The following DNAH14 variants were observed in gnomAD, a reference collection of about 807,000 sequenced individuals.
DNAH14 encodes the protein dynein axonemal heavy chain 14.
Under a neutral mutation model 520.9 loss-of-function variants are expected in DNAH14, and 478 were observed. That is an observed-to-expected ratio of 0.92 (90% confidence interval 0.85 to 0.99). The LOEUF is 0.99. Among genes scored for constraint, DNAH14 ranks in the 50% least tolerant of loss-of-function variants. DNAH14 has a pLI of 0.00. For missense variants in DNAH14, 4,831 were observed against 5,234.5 expected (o/e 0.92, Z 2.38); for synonymous variants, 1,581 against 1,757.2 (o/e 0.90, Z 2.51).
intron 23 of DNAH14, among the ~76,000 whole-genome samples, chr1:225,111,776 G>A (rs1252361639): frequency 6.6e-6 from 1 of 151,578 alleles, no homozygotes; most frequent in Non-Finnish European, 1.5e-5. Context: ...GTAATTTATT[G>A]CTTTTTCTTT....
At chr1:225,235,456 T>A (rs971037043) in intron 42 of DNAH14, among the ~76,000 whole-genome samples, 2 of 152,132 alleles carry the variant, frequency 1.3e-5, no homozygotes, top group African/African-American at 2.4e-5. Flanking sequence ...TATTTTTTTT[T>A]AAGGATTTTT....
chr1:225,054,306 G>T (rs1482735120), intron 17 of DNAH14, among the ~76,000 whole-genome samples: 5 of 152,062 alleles, frequency 3.3e-5, no homozygotes, highest in Non-Finnish European at 5.9e-5. Context: ...ATTAATACAT[G>T]GGGACTTGAT....
At chr1:225,080,774 C>G in intron 19 of DNAH14, 26 bp downstream of exon 19, 1 of 1,484,550 alleles carries the variant, frequency 6.7e-7, no homozygotes, top group Non-Finnish European at 9.0e-7. Flanking sequence ...TCAAATTTTC[C>G]CACCTAGGTC....
At chr1:225,225,678 AAAG>A (rs1252877924) in intron 41 of DNAH14, among the ~76,000 whole-genome samples, 1 of 152,184 alleles carries the variant, frequency 6.6e-6, no homozygotes, top group African/African-American at 2.4e-5. Flanking sequence ...CAACCATAAA[AAAG>A]CATTTTACTA....
intron 67 of DNAH14, 134 bp from the exon 68 acceptor site, chr1:225,337,927 C>T: frequency 3.8e-6 from 3 of 784,284 alleles, no homozygotes; most frequent in Admixed American, 3.4e-5. Flanking sequence ...CTATAGTCAC[C>T]CTGTTGTACT....
At chr1:225,370,381 G>A (rs1336947892) in intron 77 of DNAH14, among the ~76,000 whole-genome samples, 1 of 151,506 alleles carries the variant, frequency 6.6e-6, no homozygotes, top group African/African-American at 2.4e-5. Context: ...TATATATATA[G>A]CCAGGTGGCA....
At position 225,097,124 on chromosome 1, in the gene DNAH14, G is replaced by T. The variant is rs1476812855; in HGVS notation, c.3580G>T (p.Val1194Leu). The change falls in exon 22 of 86, where the codon GTG (valine) becomes TTG (leucine). Residue 1194 changes from valine (V) to leucine (L), a missense_variant. Physicochemically the swap from Val to Leu is conservative, Grantham distance 32. Transcript: ENST00000682510. ...TATGTTTTTATCATTGTAGGATCTT[G>T]TGAATGAATGGGATCAAAACTTGAC... ...SPHIGPIKDL[V>L]NEWDQNLTLF... 1.3e-5 allele frequency: 20 copies of T among 1,546,378 alleles called. No homozygotes were observed. Among genetic ancestry groups the T allele is most frequent in the Non-Finnish European group, 1.7e-5 (19 of 1,144,456 alleles).
intron 79 of DNAH14, among the ~76,000 whole-genome samples, chr1:225,379,559 G>A (rs941140310): frequency 2.7e-5 from 4 of 150,546 alleles, no homozygotes; most frequent in African/African-American, 7.4e-5. Flanking sequence ...ATAGAGTCTC[G>A]CTCTGTCACC....
At chr1:225,337,227 A>G in intron 66 of DNAH14, 39 bp from the exon 67 acceptor site, 1 of 1,495,806 alleles carries the variant, frequency 6.7e-7, no homozygotes, top group Non-Finnish European at 9.1e-7. Context: ...ATGTGAAGAC[A>G]TTTACAAAAT....
chr1:225,165,828 G>A (rs368236186), intron 35 of DNAH14, among the ~76,000 whole-genome samples: 37 of 151,832 alleles, frequency 2.4e-4, no homozygotes, highest in African/African-American at 3.6e-4. Flanking sequence ...CAAGCCGTCC[G>A]TCTGCCTCAG....
At chr1:225,315,003 G>A (rs1453849619) in intron 60 of DNAH14, among the ~76,000 whole-genome samples, 2 of 152,108 alleles carry the variant, frequency 1.3e-5, no homozygotes, top group Admixed American at 1.3e-4. Context: ...GGTTGGGTAA[G>A]TTCTCCTGGA....
intron 1 of DNAH14, among the ~76,000 whole-genome samples, chr1:224,937,675 C>G (rs1432656109): frequency 6.6e-6 from 1 of 151,902 alleles, no homozygotes; most frequent in African/African-American, 2.4e-5. Context: ...CCAATGACAT[C>G]CTGCACAGAA....
chr1:225,050,477 CA>C, intron 16 of DNAH14, 101 bp downstream of exon 16: 1 of 1,226,290 alleles, frequency 8.2e-7, no homozygotes, highest in Non-Finnish European at 1.1e-6. Flanking sequence ...GTATCCTATT[CA>C]TAGCAATTGA....
In DNAH14 at chr1:225,232,900, C is replaced by T. The variant is rs2091258485; in HGVS notation, c.6518+1749C>T. On this transcript the variant is annotated intron_variant, in intron 42 of 85. Transcript: ENST00000682510. The surrounding 1 kb of genome is among the most constrained non-coding windows in gnomAD (Gnocchi z 4.2). Reference sequence around the variant, plus strand: ...TGGTTTGCTGCACAGATCATGCCATCACCTAGGTATTAAGCCCAGCATTCA... The same window carrying T: ...TGGTTTGCTGCACAGATCATGCCATTACCTAGGTATTAAGCCCAGCATTCA... Among the ~76,000 whole-genome samples, 2 of 152,150 alleles carry T rather than the reference C, an allele frequency of 1.3e-5. No homozygotes were observed. The highest frequency in any genetic ancestry group is 4.8e-5 in the African/African-American group (2 of 41,432).
intron 1 of DNAH14, among the ~76,000 whole-genome samples, chr1:224,948,666 A>G (rs763000359): frequency 4.6e-5 from 7 of 151,516 alleles, no homozygotes; most frequent in Non-Finnish European, 8.9e-5. Flanking sequence ...TGGGTTGCTT[A>G]TATATTTATT....
At chr1:225,215,277 C>T (rs12746215) in intron 41 of DNAH14, among the ~76,000 whole-genome samples, 19,439 of 151,950 alleles carry the variant, frequency 0.13, 1,390 homozygotes, top group East Asian at 0.31. Flanking sequence ...AGAGGTAGTT[C>T]GTTATAATTT....
chr1:225,220,745 TCAA>T (rs1272711512), intron 41 of DNAH14, among the ~76,000 whole-genome samples: 30 of 152,278 alleles, frequency 2.0e-4, no homozygotes, highest in African/African-American at 7.0e-4. Flanking sequence ...ATTTATAGAT[TCAA>T]TGCTATTCCC....
chr1:225,289,701 G>A (rs924067259), intron 54 of DNAH14, among the ~76,000 whole-genome samples, 184 bp from the exon 55 acceptor site: 3 of 151,928 alleles, frequency 2.0e-5, no homozygotes, highest in Admixed American at 6.6e-5. Flanking sequence ...GTGGATGAGT[G>A]CCTTATAAAA....
At chr1:225,009,054 A>G (rs1375164904) in intron 10 of DNAH14, among the ~76,000 whole-genome samples, 1 of 152,110 alleles carries the variant, frequency 6.6e-6, no homozygotes, top group Non-Finnish European at 1.5e-5. Context: ...CCCATTCTGT[A>G]GGTTGCATGT....
Sources: allele counts gnomAD v4.1 joint callset (sites outside exome capture counted in the v4.1 genomes callset), GRCh38; gene constraint gnomAD v4.1.1; non-coding constraint Gnocchi (gnomAD v3.1); transcripts MANE v1.5; gene names NCBI Gene and HGNC (gene_info 2026-07-23, HGNC 2026-07-21).